ZSWIM4: variants seen among roughly 807,000 people sequenced by gnomAD.
ZSWIM4 encodes the protein zinc finger SWIM domain-containing protein 4.
In ZSWIM4, 62 loss-of-function variants were observed where a neutral mutation model predicts 102.5. The ratio of observed to expected loss-of-function variants is 0.60; its 90% CI spans 0.49 to 0.75. The LOEUF is 0.75. ZSWIM4 is among the 30% of genes least tolerant of loss of function. ZSWIM4 has a pLI of 0.00. For missense variants in ZSWIM4, 1,280 were observed against 1,529.6 expected, an observed-to-expected ratio of 0.84 and a Z score of 2.72; for synonymous variants, 652 against 674.5, an observed-to-expected ratio of 0.97 and a Z score of 0.52.
chr19:13,804,718 G>T (rs549044852), intron 2 of ZSWIM4, 74 bp from the exon 3 acceptor site: 95 of 1,266,802 alleles, frequency 7.5e-5, no homozygotes, highest in Non-Finnish European at 4.5e-5. Flanking sequence ...CTTTGCAACC[G>T]GGTCTTGCTG....
At chr19:13,803,138 A>G (rs1974818645) in intron 2 of ZSWIM4, among the ~76,000 whole-genome samples, 1 of 152,188 alleles carries the variant, frequency 6.6e-6, no homozygotes. Context: ...CGTCGGCTCT[A>G]TCTGCTTTGG....
chr19:13,813,835 C>T (rs983502919), intron 6 of ZSWIM4, among the ~76,000 whole-genome samples: 6 of 149,764 alleles, frequency 4.0e-5, no homozygotes, highest in Admixed American at 2.0e-4. Context: ...ATGGGAGAAT[C>T]GCTTGAGCCT....
chr19:13,797,124 G>A (rs1261008484), intron 1 of ZSWIM4, among the ~76,000 whole-genome samples: 3 of 152,182 alleles, frequency 2.0e-5, no homozygotes, highest in African/African-American at 4.8e-5. Context: ...TGGCCAAGCC[G>A]AGCCCTCAGA....
intron 12 of ZSWIM4, among the ~76,000 whole-genome samples, chr19:13,827,609 A>G (rs112482962): frequency 7.3e-6 from 1 of 137,700 alleles, no homozygotes; most frequent in South Asian, 2.2e-4. Context: ...AAAAAAAAAG[A>G]AAAGAAAAAA....
At chr19:13,824,614 C>A (rs555845984) in intron 11 of ZSWIM4, among the ~76,000 whole-genome samples, 1 of 152,044 alleles carries the variant, frequency 6.6e-6, no homozygotes, top group Non-Finnish European at 1.5e-5. Context: ...CACCTGTAAT[C>A]CCAGCTACTT....
In ZSWIM4 at chr19:13,809,583, A is replaced by G. The variant is rs1334897323; in HGVS notation, c.1012+363A>G. Among the ~76,000 whole-genome samples the G allele has an allele frequency of 6.6e-6, 1 of 152,126 alleles. No homozygotes were observed. The highest frequency in any genetic ancestry group is 1.5e-5 in the Non-Finnish European group (1 of 68,012). ...CTGCAACCTCTGCCTCCCGGACTCA[A>G]GTGATCCTACACCTCAGCCTCCCAA... is the stretch of plus-strand genomic sequence containing the variant. On this transcript the variant is annotated intron_variant, in intron 5 of 13. Transcript: ENST00000590508. This position sits in a 1 kb window ranked among gnomAD's most constrained non-coding sequence, Gnocchi z 4.2.
intron 11 of ZSWIM4, among the ~76,000 whole-genome samples, chr19:13,824,512 A>G (rs546990302): frequency 5.9e-5 from 9 of 151,858 alleles, no homozygotes; most frequent in Non-Finnish European, 1.2e-4. Context: ...CCGGGGGATC[A>G]CCTGAGGTCA....
At chr19:13,805,178 G>A (rs1306921645) in intron 3 of ZSWIM4, 30 bp downstream of exon 3, 15 of 1,563,482 alleles carry the variant, frequency 9.6e-6, no homozygotes, top group Non-Finnish European at 1.2e-5. Context: ...CCGGTGGGGA[G>A]AGGATGCCCA....
In ZSWIM4 at chr19:13,809,897, TCCTCTGG is replaced by T. The variant is rs1418702249; in HGVS notation, c.1012+681_1012+687del. Among the ~76,000 whole-genome samples the T allele has an allele frequency of 1.3e-5, 2 of 152,138 alleles. No individual in the cohort carries two copies. Among genetic ancestry groups the T allele is most frequent in the Admixed American group, 1.3e-4 (2 of 15,252 alleles). On this transcript the variant is annotated intron_variant, in intron 5 of 13. Coordinates refer to ENST00000590508, the MANE Select transcript of ZSWIM4 (RefSeq NM_001367834.3). This position sits in a 1 kb window ranked among gnomAD's most constrained non-coding sequence, Gnocchi z 4.2. Reference sequence around the variant, plus strand: ...ACTTCAAACTCTTGGGCTCAAGTGATCCTCTGGCCTTGGCCTCTCAAAGTGCTGGGAT... The same window carrying T: ...ACTTCAAACTCTTGGGCTCAAGTGATCCTTGGCCTCTCAAAGTGCTGGGAT...
Position 13,831,101 on chromosome 19 carries a change from C to G in ZSWIM4, c.*51C>G, listed in dbSNP as rs1975756933. On this transcript the variant is annotated 3_prime_UTR_variant, in exon 14 of 14. Transcript: ENST00000590508. ...GGATCCCCCTCGCCCCTGCGTCCCC[C>G]ACCCTTGCTCTCCAATTAGGCCCAC... The G allele has an allele frequency of 1.3e-6, 2 of 1,508,114 alleles. No individual in the cohort carries two copies. The highest frequency in any genetic ancestry group is 1.8e-6 in the Non-Finnish European group (2 of 1,136,148). The allele number at this position is 1,508,114 out of a possible 1,614,324, so 93.4% of individuals were successfully genotyped here.
At chr19:13,814,428 A>G (rs906840447) in intron 6 of ZSWIM4, 87 bp from the exon 7 acceptor site, 11 of 711,706 alleles carry the variant, frequency 1.5e-5, no homozygotes, top group African/African-American at 1.5e-4. Context: ...CCTAAACCCC[A>G]GTTAGTACTT....
intron 9 of ZSWIM4, among the ~76,000 whole-genome samples, chr19:13,818,868 CTT>C (rs35655398): frequency 2.3e-5 from 3 of 131,210 alleles, no homozygotes; most frequent in East Asian, 2.3e-4. Flanking sequence ...CCTGCCTCCT[CTT>C]TTTTTTTTTT....
chr19:13,797,040 G>A (rs1253279862), intron 1 of ZSWIM4: 1 of 152,292 alleles, frequency 6.6e-6, no homozygotes, highest in Non-Finnish European at 1.5e-5. Context: ...AGGGGCTAAG[G>A]AGGGCCCCTT....
intron 3 of ZSWIM4, 29 bp downstream of exon 3, chr19:13,805,177 A>T (rs1974886520): frequency 1.3e-6 from 2 of 1,565,610 alleles, no homozygotes; most frequent in Non-Finnish European, 1.7e-6. Flanking sequence ...TCCGGTGGGG[A>T]GAGGATGCCC....
rs780212772 is a variant in ZSWIM4, at chr19:13,825,513, G to A, written c.2216-37G>A. On this transcript the variant is annotated intron_variant, in intron 11 of 13. Coordinates refer to ENST00000590508, the MANE Select transcript of ZSWIM4 (RefSeq NM_001367834.3). This position sits in a 1 kb window ranked among gnomAD's most constrained non-coding sequence, Gnocchi z 4.6. ...GGTGGTCAGAGGCTGGTGCTGAGGT[G>A]TATCCGATGGTGTCCTCTGTCCCGC... 4 of 1,601,760 alleles carry A rather than the reference G, an allele frequency of 2.5e-6. No individual in the cohort carries two copies. The East Asian group carries it at 9.0e-5, about 36-fold the overall frequency.
Position 13,823,338 on chromosome 19 carries a change from T to C in ZSWIM4, c.2061-8T>C. 1 of 1,611,854 alleles carries C rather than the reference T, an allele frequency of 6.2e-7. No individual in the cohort carries two copies. The highest frequency in any genetic ancestry group is 1.7e-4 in the Middle Eastern group (1 of 5,860). Reference sequence around the variant, plus strand: ...TCCTCACCATGGCTCACTTCTCCCCTTACCCAGGCTGCCCATACTGGAGAC... The same window carrying C: ...TCCTCACCATGGCTCACTTCTCCCCCTACCCAGGCTGCCCATACTGGAGAC... On this transcript the variant is annotated splice_region_variant and splice_polypyrimidine_tract_variant and intron_variant, in intron 10 of 13. Coordinates refer to ENST00000590508, the MANE Select transcript of ZSWIM4 (RefSeq NM_001367834.3).
intron 2 of ZSWIM4, among the ~76,000 whole-genome samples, chr19:13,800,865 G>C (rs1974752266): frequency 6.6e-6 from 1 of 152,214 alleles, no homozygotes; most frequent in African/African-American, 2.4e-5. Context: ...GGTGAGGCCA[G>C]ATGTGGTGGT....
In ZSWIM4 at chr19:13,817,733, G is replaced by A. The variant is rs747454309; in HGVS notation, c.1681G>A (p.Glu561Lys). ...TLTLYPDSGP[E>K]KRKVAYQHVP... ...CCTGTCTCCCCCAGACTCAGGCCCC[G>A]AGAAGCGGAAGGTGGCCTACCAGCA... The change falls in exon 9 of 14, where the codon GAG becomes AAG. Residue 561 changes from glutamate to lysine, a missense_variant. By Grantham distance (56) the Glu-to-Lys change is moderately conservative. Coordinates refer to ENST00000590508, the MANE Select transcript of ZSWIM4 (RefSeq NM_001367834.3). 2.5e-6 allele frequency: 4 copies of A among 1,608,090 alleles called. No homozygotes were observed. The highest frequency in any genetic ancestry group is 2.5e-6 in the Non-Finnish European group (3 of 1,178,108).
At chr19:13,812,965 A>G in intron 5 of ZSWIM4, 32 bp from the exon 6 acceptor site, 3 of 1,569,184 alleles carry the variant, frequency 1.9e-6, no homozygotes, top group Non-Finnish European at 2.6e-6. Flanking sequence ...CACTGTTGGC[A>G]GGAATATTGA....
Sources: allele counts gnomAD v4.1 joint callset (sites outside exome capture counted in the v4.1 genomes callset), GRCh38; gene constraint gnomAD v4.1.1; non-coding constraint Gnocchi (gnomAD v3.1); transcripts MANE v1.5; gene names NCBI Gene and HGNC (gene_info 2026-07-23, HGNC 2026-07-21).